Variants in GDA observed in about 807,000 individuals in gnomAD.
The protein encoded by GDA is cytoplasmic PSD-95 interactor.
A neutral mutation model predicts 59.6 loss-of-function variants in GDA; 18 were observed. The ratio of observed to expected loss-of-function variants is 0.30; its 90% CI spans 0.21 to 0.45. The LOEUF is 0.45. Among genes scored for constraint, GDA ranks in the 20% least tolerant of loss-of-function variants. The pLI is 1.00. For missense variants in GDA, 427 were observed against 552.3 expected, an observed-to-expected ratio of 0.77 and a Z score of 2.27; for synonymous variants, 201 against 201.1, an observed-to-expected ratio of 1.00 and a Z score of 0.00.
At chr9:72,214,780 C>T (rs1251967713) in intron 5 of GDA, 6 of 316,064 alleles carry the variant, frequency 1.9e-5, no homozygotes, top group Non-Finnish European at 3.6e-5. Flanking sequence ...GTCACCCAGG[C>T]TGGAGTGCAA....
intron 1 of GDA, among the ~76,000 whole-genome samples, chr9:72,116,422 T>A (rs530839741): frequency 4.0e-5 from 6 of 149,160 alleles, no homozygotes; most frequent in African/African-American, 1.5e-4. Flanking sequence ...TCTTGCTCTG[T>A]TACCCACTGG....
At chr9:72,149,879 C>T (rs1232723010) in intron 1 of GDA, among the ~76,000 whole-genome samples, 197 bp downstream of exon 1, 2 of 152,180 alleles carry the variant, frequency 1.3e-5, no homozygotes, top group Non-Finnish European at 2.9e-5. Context: ...CTGGGGAGTT[C>T]CCAGAAGTCG....
In GDA at chr9:72,241,234, G is replaced by A. The variant is rs1484860404; in HGVS notation, c.1071G>A (p.Lys357=). ...VMVSNILLIN[K]VNEKSLTLKE... The stretch of plus-strand genomic sequence containing the variant: ...TTTCCAATATCCTTTTAATTAATAA[G>A]GTAAATGAGAAAAGCCTCACCCTCA... Residue 357 remains lysine, a synonymous_variant, in exon 11 of 14, where the codon AAG becomes AAA. Coordinates refer to ENST00000358399, the MANE Select transcript of GDA (RefSeq NM_004293.5). 1.2e-6 allele frequency: 2 copies of A among 1,609,268 alleles called. No individual in the cohort carries two copies. The highest frequency in any genetic ancestry group is 1.7e-6 in the Non-Finnish European group (2 of 1,176,212).
intron 9 of GDA, 112 bp downstream of exon 9, chr9:72,228,152 T>G: frequency 1.4e-6 from 1 of 693,648 alleles, no homozygotes; most frequent in Non-Finnish European, 2.6e-6. Context: ...TATTCTGTGT[T>G]TGGCAGGACC....
chr9:72,237,037 C>T (rs1480741282), intron 10 of GDA, among the ~76,000 whole-genome samples: 4 of 152,130 alleles, frequency 2.6e-5, no homozygotes, highest in African/African-American at 9.7e-5. Flanking sequence ...GCCTTGGCCT[C>T]CCACAGTGCT....
chr9:72,247,826 A>G (rs1840314127), intron 13 of GDA, among the ~76,000 whole-genome samples: 1 of 152,136 alleles, frequency 6.6e-6, no homozygotes, highest in Admixed American at 6.5e-5. Context: ...ACTGAGAGAG[A>G]GAGAAACAGT....
upstream of GDA, among the ~76,000 whole-genome samples, chr9:72,146,876 C>T (rs59544209): frequency 7.3e-3 from 1,112 of 152,214 alleles, 11 homozygotes; most frequent in African/African-American, 0.025. Flanking sequence ...GGCCCAGGTA[C>T]CTACAACTTG....
chr9:72,255,616 A>C (rs1320032268), downstream of GDA, among the ~76,000 whole-genome samples: 1 of 152,230 alleles, frequency 6.6e-6, no homozygotes, highest in Admixed American at 6.5e-5. Context: ...TGGAACTATG[A>C]AAGATGAATT....
At chr9:72,142,567 C>T (rs1252511077) in intron 1 of GDA, among the ~76,000 whole-genome samples, 2 of 149,162 alleles carry the variant, frequency 1.3e-5, no homozygotes, top group Non-Finnish European at 3.0e-5. Flanking sequence ...AGCAAGACTC[C>T]ATCTCAAAAA....
chr9:72,167,931 T>C (rs1829506080), intron 1 of GDA, among the ~76,000 whole-genome samples: 1 of 152,180 alleles, frequency 6.6e-6, no homozygotes, highest in Non-Finnish European at 1.5e-5. Context: ...CCTATCAAAG[T>C]AGTAAATTTT....
intron 6 of GDA, 108 bp from the exon 7 acceptor site, chr9:72,223,012 C>A: frequency 4.8e-6 from 3 of 629,124 alleles, no homozygotes; most frequent in Non-Finnish European, 8.5e-6. Context: ...CTGGCCCTTC[C>A]AGGGTTTTTA....
chr9:72,164,204 A>G (rs948979623), intron 1 of GDA, among the ~76,000 whole-genome samples: 4 of 152,194 alleles, frequency 2.6e-5, no homozygotes, highest in Middle Eastern at 3.2e-3. Context: ...GACAACAGGA[A>G]CTAGACTAAT....
chr9:72,250,702 G>A lies in GDA; in HGVS notation c.*2360G>A, dbSNP rs775725876. The A allele has an allele frequency of 7.4e-6, 12 of 1,611,046 alleles. No homozygotes were observed. The Admixed American group carries it at 1.5e-4, about 20-fold the overall frequency. ...GAATTGTGGAGAGGCACTTTTCCAA[G>A]CCAATCTTATTTGTCACTTTTTGTT... On this transcript the variant is annotated 3_prime_UTR_variant, in exon 14 of 14. Coordinates refer to ENST00000358399, the MANE Select transcript of GDA (RefSeq NM_004293.5).
chr9:72,210,874 A>C, intron 4 of GDA, 100 bp downstream of exon 4: 1 of 738,930 alleles, frequency 1.4e-6, no homozygotes, highest in South Asian at 1.5e-5. Flanking sequence ...CTGCCTTTTA[A>C]TTGCTAGAAC....
In GDA at chr9:72,158,172, A is replaced by G. The variant is rs371368414; in HGVS notation, c.123+8490A>G. 9.5e-4 allele frequency among the ~76,000 whole-genome samples: 144 copies of G among 152,308 alleles called. 1 individual carries two copies. Among genetic ancestry groups the G allele is most frequent in the African/African-American group, 3.3e-3 (138 of 41,562 alleles). On this transcript the variant is annotated intron_variant, in intron 1 of 13. Coordinates refer to ENST00000358399, the MANE Select transcript of GDA (RefSeq NM_004293.5). ...TTCCATAAAATTTTTCATATATTTC[A>G]AATCAGTATTTTACAGGTAGTTAAG...
At chr9:72,155,393 C>T (rs1239827650) in intron 1 of GDA, among the ~76,000 whole-genome samples, 1 of 152,060 alleles carries the variant, frequency 6.6e-6, no homozygotes, top group Non-Finnish European at 1.5e-5. Context: ...TAGGGGAGTA[C>T]AATTCAAGAT....
At chr9:72,117,403 C>G (rs1356543511) in intron 1 of GDA, among the ~76,000 whole-genome samples, 2 of 151,868 alleles carry the variant, frequency 1.3e-5, no homozygotes. Context: ...TTGAGAAATA[C>G]AGAACAATCT....
chr9:72,232,974 C>T (rs868582915), intron 10 of GDA, among the ~76,000 whole-genome samples: 8 of 152,146 alleles, frequency 5.3e-5, no homozygotes, highest in South Asian at 2.1e-4. Flanking sequence ...AAGGAAAGGG[C>T]GAAGTTGGTG....
Position 72,225,538 on chromosome 9 carries a change from A to G in GDA, c.715-139A>G, listed in dbSNP as rs1401254731. The G allele has an allele frequency of 1.0e-5, 6 of 589,538 alleles. No homozygotes were observed. The African/African-American group carries it at 1.1e-4, about 11-fold the overall frequency. The allele number at this position is 589,538 out of a possible 1,614,324, so 36.5% of individuals were successfully genotyped here. On this transcript the variant is annotated intron_variant, in intron 7 of 13. Coordinates refer to ENST00000358399, the MANE Select transcript of GDA (RefSeq NM_004293.5). ...AATATAATTGTTTCTAACAAAATGC[A>G]TGTGTAATCTTCATTGCCTTTCTAT... is the stretch of plus-strand genomic sequence containing the variant.
Sources: gnomAD v4.1 joint callset for allele counts (sites outside exome capture counted in the v4.1 genomes callset) on GRCh38, gnomAD v4.1.1 for gene constraint, MANE v1.5 for transcripts, NCBI Gene and HGNC (gene_info 2026-07-23, HGNC 2026-07-21) for gene names.